Variants in ERBB3 observed in about 807,000 individuals in gnomAD.
ERBB3 encodes the protein receptor tyrosine-protein kinase erbB-3.
A neutral mutation model predicts 156.7 loss-of-function variants in ERBB3; 96 were observed. That is an observed-to-expected ratio of 0.61 (90% CI 0.52 to 0.73). The LOEUF is 0.73. Among genes scored for constraint, ERBB3 ranks in the 30% least tolerant of loss-of-function variants. The probability of loss-of-function intolerance (pLI) is 0.00; values close to 1 mark genes in which losing one functional copy is unlikely to be tolerated. For missense variants in ERBB3, 1,406 were observed against 1,709.4 expected (o/e 0.82, Z 3.13); for synonymous variants, 567 against 632.0 (o/e 0.90, Z 1.54).
intron 5 of ERBB3, 76 bp downstream of exon 5, chr12:56,087,718 T>G (rs1315910951): frequency 6.3e-7 from 1 of 1,586,880 alleles, no homozygotes; most frequent in African/African-American, 1.3e-5. Flanking sequence ...GGGTCAACAC[T>G]GTGGGGGAGG....
chr12:56,099,991 C>T lies in ERBB3; in HGVS notation c.3091C>T (p.Leu1031Phe), dbSNP rs774951032. 6.2e-7 allele frequency: 1 copy of T among 1,614,234 alleles called. No homozygotes were observed. Among genetic ancestry groups the T allele is most frequent in the East Asian group, 2.2e-5 (1 of 44,888 alleles). Residue 1031 changes from leucine to phenylalanine, a missense_variant, in exon 25 of 28, where the codon CTC (leucine) becomes TTC (phenylalanine). Transcript: ENST00000267101. ...GGCAACCACCACACTGGGCTCCGCC[C>T]TCAGCCTACCAGTTGGAACACTTAA... ...NLATTTLGSA[L>F]SLPVGTLNRP...
intron 9 of ERBB3, 99 bp from the exon 10 acceptor site, chr12:56,092,648 G>A (rs1380289381): frequency 1.2e-6 from 1 of 843,372 alleles, no homozygotes; most frequent in South Asian, 1.3e-5. Flanking sequence ...TCCTTTTAGT[G>A]GAGAATGATA....
At chr12:56,098,639 C>A in intron 22 of ERBB3, 64 bp downstream of exon 22, 1 of 1,574,614 alleles carries the variant, frequency 6.4e-7, no homozygotes, top group Non-Finnish European at 8.7e-7. Flanking sequence ...CCTTTTGAGA[C>A]CCCCTCTTAG....
chr12:56,098,633 T>C lies in ERBB3; in HGVS notation c.2692+58T>C, dbSNP rs1027363420. On this transcript the variant is annotated intron_variant, in intron 22 of 27. Coordinates refer to ENST00000267101, the MANE Select transcript of ERBB3 (RefSeq NM_001982.4). ...CTGGCCCCAGTTTCAAATTTACCTT[T>C]TGAGACCCCCTCTTAGAATCTCTAA... is the stretch of plus-strand genomic sequence containing the variant. 6 of 1,582,986 alleles carry C rather than the reference T, an allele frequency of 3.8e-6. No homozygotes were observed. In the African/African-American group the frequency reaches 8.1e-5, roughly 21 times the overall value.
rs373960466 is a variant in ERBB3, at chr12:56,102,077, A to G, written c.*22A>G. 29 of 1,601,546 alleles carry G rather than the reference A, an allele frequency of 1.8e-5. No homozygotes were observed. The African/African-American group carries it at 2.1e-4, about 12-fold the overall frequency. On this transcript the variant is annotated 3_prime_UTR_variant, in exon 28 of 28. Transcript: ENST00000267101. ...GTAACTCCTGCTCCCTGTGGCACTCAGGGAGCATTTAATGGCAGCTAGTGC... is the reference window on the plus strand; with the variant it reads ...GTAACTCCTGCTCCCTGTGGCACTCGGGGAGCATTTAATGGCAGCTAGTGC...
rs766445884 is a variant in ERBB3 at position 56,101,611 on chromosome 12, G to A, written c.3585G>A (p.Glu1195=). The A allele has an allele frequency of 1.9e-6, 3 of 1,613,890 alleles. No individual in the cohort carries two copies. The highest frequency in any genetic ancestry group is 1.7e-6 in the Non-Finnish European group (2 of 1,180,020). ...VLGTEEEDED[E]EYEYMNRRRR... is the part of the protein sequence containing the mutation. ...GTACTGAAGAAGAAGATGAAGATGA[G>A]GAGTATGAATACATGAACCGGAGGA... is the stretch of plus-strand genomic sequence containing the variant. Residue 1195 remains glutamate, a synonymous_variant, in exon 28 of 28, where the codon GAG becomes GAA. Transcript: ENST00000267101.
chr12:56,089,728 A>G (rs1227291373), intron 9 of ERBB3, among the ~76,000 whole-genome samples: 1 of 151,566 alleles, frequency 6.6e-6, no homozygotes, highest in Non-Finnish European at 1.5e-5. Context: ...CTGGCGACAG[A>G]GCGAGACTCT....
chr12:56,097,928 C>T lies in ERBB3; in HGVS notation c.2604C>T (p.Tyr868=). The change falls in exon 21 of 28, where the codon TAC becomes TAT. Residue 868 remains tyrosine (Y), a synonymous_variant. Coordinates refer to ENST00000267101, the MANE Select transcript of ERBB3 (RefSeq NM_001982.4). ...LLPPDDKQLL[Y]SEAKTPIKWM... ...CTCCTGATGATAAGCAGCTGCTATA[C>T]AGTGAGGCCAAGGTGAGGAGACACA... The T allele has an allele frequency of 1.2e-6, 2 of 1,613,236 alleles. No individual in the cohort carries two copies. The highest frequency in any genetic ancestry group is 2.2e-5 in the East Asian group (1 of 44,876).
At chr12:56,086,051 A>G (rs900971458) in intron 3 of ERBB3, among the ~76,000 whole-genome samples, 4 of 133,780 alleles carry the variant, frequency 3.0e-5, no homozygotes, top group African/African-American at 1.1e-4. Context: ...CCTGGGCGAC[A>G]GAGCGAGACT....
Position 56,093,410 on chromosome 12 carries a change from A to G in ERBB3, c.1340A>G (p.Lys447Arg), listed in dbSNP as rs1203350210. 2 of 1,614,102 alleles carry G rather than the reference A, an allele frequency of 1.2e-6. No homozygotes were observed. Among genetic ancestry groups the G allele is most frequent in the South Asian group, 2.2e-5 (2 of 91,082 alleles). The change falls in exon 12 of 28, where the codon AAG (lysine) becomes AGG (arginine). Residue 447 changes from lysine (K) to arginine (R), a missense_variant. Lys to Arg is a conservative substitution (Grantham distance 26). Coordinates refer to ENST00000267101, the MANE Select transcript of ERBB3 (RefSeq NM_001982.4). ...ACATCTCTGGGCTTCCGATCCCTGA[A>G]GGAAATTAGTGCTGGGCGTATCTAT... is the stretch of plus-strand genomic sequence containing the variant. The part of the protein sequence containing the change: ...NVTSLGFRSL[K>R]EISAGRIYIS...
intron 9 of ERBB3, among the ~76,000 whole-genome samples, chr12:56,091,316 A>AAT (rs1270508286): frequency 1.1e-3 from 32 of 29,266 alleles, no homozygotes; most frequent in African/African-American, 3.7e-3. Context: ...TATAAATATA[A>AAT]ATATATATAT....
Position 56,101,139 on chromosome 12 carries a change from TCAG to T in ERBB3, c.3281_3283del (p.Ser1094_Glu1095delinsTer). ...CCCAATGCCACGGGGATGCCTGGCA[TCAG>T]AGTCATCAGAGGGGCATGTAACAGG... On this transcript the variant is annotated stop_gained and inframe_deletion, in exon 27 of 28. Transcript: ENST00000267101. LOFTEE classifies it high-confidence loss of function. 6.2e-7 allele frequency: 1 copy of T among 1,613,910 alleles called. No homozygotes were observed. Among genetic ancestry groups the T allele is most frequent in the Non-Finnish European group, 8.5e-7 (1 of 1,179,996 alleles).
chr12:56,101,056 C>G lies in ERBB3; in HGVS notation c.3202-5C>G. On this transcript the variant is annotated splice_polypyrimidine_tract_variant and splice_region_variant and intron_variant, in intron 26 of 27. Coordinates refer to ENST00000267101, the MANE Select transcript of ERBB3 (RefSeq NM_001982.4). ...GCATTATTTTCTGTTTATTTTCTTC[C>G]TTAGGAGTCTGCAGTTTCTGGGAGC... The G allele has an allele frequency of 6.2e-7, 1 of 1,611,620 alleles. No individual in the cohort carries two copies. The highest frequency in any genetic ancestry group is 8.5e-7 in the Non-Finnish European group (1 of 1,178,992).
intron 13 of ERBB3, 76 bp downstream of exon 13, chr12:56,093,972 A>G (rs1202767367): frequency 3.8e-6 from 6 of 1,599,190 alleles, no homozygotes; most frequent in Non-Finnish European, 5.1e-6. Context: ...GCATACAATA[A>G]AAGTCTTTAG....
At chr12:56,087,554 G>A in intron 4 of ERBB3, 23 bp from the exon 5 acceptor site, 1 of 1,608,610 alleles carries the variant, frequency 6.2e-7, no homozygotes. Flanking sequence ...ATGGCCCCTT[G>A]TGTTGCCTTC....
rs1425981823 is a variant in ERBB3 at position 56,096,804 on chromosome 12, T to C, written c.2232T>C (p.Ile744=). The part of the protein sequence containing the change: ...SIKIPVCIKV[I]EDKSGRQSFQ... ...AGATTCCAGTCTGCATTAAAGTCATTGAGGACAAGAGTGGACGGCAGAGTT... is the reference window on the plus strand; with the variant it reads ...AGATTCCAGTCTGCATTAAAGTCATCGAGGACAAGAGTGGACGGCAGAGTT... Residue 744 remains isoleucine (I), a synonymous_variant, in exon 19 of 28, where the codon ATT becomes ATC. Coordinates refer to ENST00000267101, the MANE Select transcript of ERBB3 (RefSeq NM_001982.4). The C allele has an allele frequency of 6.2e-7, 1 of 1,613,930 alleles. No homozygotes were observed. Among genetic ancestry groups the C allele is most frequent in the Non-Finnish European group, 8.5e-7 (1 of 1,179,962 alleles).
At chr12:56,095,196 C>T (rs1379405788) in intron 15 of ERBB3, 61 bp from the exon 16 acceptor site, 15 of 1,230,354 alleles carry the variant, frequency 1.2e-5, no homozygotes, top group Non-Finnish European at 1.6e-5. Flanking sequence ...ATATGTTAGG[C>T]TGTTGAAATT....
intron 2 of ERBB3, 119 bp downstream of exon 2, chr12:56,084,021 TAA>T: frequency 9.8e-7 from 1 of 1,023,598 alleles, no homozygotes. Flanking sequence ...CAGGAGTTCC[TAA>T]GATTCAAAAC....
chr12:56,093,065 A>G lies in ERBB3; in HGVS notation c.1263A>G (p.Arg421=), dbSNP rs1258307133. The G allele has an allele frequency of 1.2e-6, 2 of 1,611,602 alleles. No individual in the cohort carries two copies. Among genetic ancestry groups the G allele is most frequent in the East Asian group, 4.5e-5 (2 of 44,872 alleles). The part of the protein sequence containing the change: ...VFSNLTTIGG[R]SLYNRGFSLL... Reference sequence around the variant, plus strand: ...CCAATTTGACAACCATTGGAGGCAGAAGCCTCTACAAGTGAGTAAAGGGTA... The same window carrying G: ...CCAATTTGACAACCATTGGAGGCAGGAGCCTCTACAAGTGAGTAAAGGGTA... Residue 421 remains arginine, a synonymous_variant, in exon 11 of 28, where the codon AGA becomes AGG. Coordinates refer to ENST00000267101, the MANE Select transcript of ERBB3 (RefSeq NM_001982.4).
Sources: gnomAD v4.1 joint callset for allele counts (sites outside exome capture counted in the v4.1 genomes callset) on GRCh38, gnomAD v4.1.1 for gene constraint, MANE v1.5 for transcripts, NCBI Gene and HGNC (gene_info 2026-07-23, HGNC 2026-07-21) for gene names.